The following EYS variants were observed in gnomAD, a reference collection of about 807,000 sequenced individuals.
EYS encodes EGF-like photoreceptor maintenance factor.
EYS carries 250 observed loss-of-function variants against 282.1 expected under a neutral mutation model. That is an observed-to-expected ratio of 0.89 (90% CI 0.80 to 0.98). The LOEUF is 0.98. Ranked by LOEUF, EYS falls within the 50% of genes least tolerant of loss-of-function variation. The pLI is 0.00. For synonymous variants in EYS, 1,355 were observed against 1,282.9 expected (o/e 1.06, Z -1.20); for missense variants, 4,016 against 3,709.0 (o/e 1.08, Z -2.15).
chr6:63,859,111 T>TTTTTTTA lies in EYS; in HGVS notation c.7228+5074_7228+5075insTAAAAAA, dbSNP rs796999871. ...TTTTTTTTTTTTTTTTTTTTTTTTTTAATAGCTGGGATGGAGATGCAGCCT... is the reference window on the plus strand; with the variant it reads ...TTTTTTTTTTTTTTTTTTTTTTTTTTTTTTTTAAATAGCTGGGATGGAGATGCAGCCT... On this transcript the variant is annotated intron_variant, in intron 36 of 42. Coordinates refer to ENST00000503581, the MANE Select transcript of EYS (RefSeq NM_001142800.2). Among the ~76,000 whole-genome samples, 104 of 71,200 alleles carry TTTTTTTA rather than the reference T, an allele frequency of 1.5e-3. 29 individuals carry two copies. The highest frequency in any genetic ancestry group is 5.2e-3 in the African/African-American group (82 of 15,788). The allele number at this position is 71,200 out of a possible 152,430, so 46.7% of individuals were successfully genotyped here.
chr6:64,908,666 T>C (rs1404639762), intron 16 of EYS, among the ~76,000 whole-genome samples: 1 of 152,128 alleles, frequency 6.6e-6, no homozygotes, highest in Non-Finnish European at 1.5e-5. Flanking sequence ...CGTCTTCCTG[T>C]ACAACCTGAA....
At chr6:64,078,491 G>T (rs1248981622) in intron 32 of EYS, among the ~76,000 whole-genome samples, 6 of 152,034 alleles carry the variant, frequency 3.9e-5, no homozygotes, top group Admixed American at 3.9e-4. Context: ...TAAGAGGATA[G>T]AAAGTAGCAA....
chr6:64,520,068 A>G (rs990653370), intron 26 of EYS, among the ~76,000 whole-genome samples: 4 of 151,804 alleles, frequency 2.6e-5, no homozygotes, highest in Non-Finnish European at 5.9e-5. Context: ...AGAAAGGAGG[A>G]GAAACAGGTT....
At chr6:65,518,584 TATC>T (rs1767228626) in intron 2 of EYS, among the ~76,000 whole-genome samples, 1 of 152,186 alleles carries the variant, frequency 6.6e-6, no homozygotes, top group Non-Finnish European at 1.5e-5. Context: ...AAAATTGTGG[TATC>T]ATCTTAAAAT....
intron 27 of EYS, among the ~76,000 whole-genome samples, chr6:64,437,295 A>C (rs1582751129): frequency 6.6e-6 from 1 of 151,670 alleles, no homozygotes; most frequent in African/African-American, 2.4e-5. Context: ...TGGGAAAAAA[A>C]TTAATTCACA....
rs1169613231 is a variant in EYS at position 65,550,164 on chromosome 6, T to C, written c.-332-54171A>G. Among the ~76,000 whole-genome samples the C allele has an allele frequency of 2.2e-3, 57 of 26,048 alleles. 14 individuals carry two copies. Among genetic ancestry groups the C allele is most frequent in the South Asian group, 6.9e-3 (4 of 578 alleles). The allele number at this position is 26,048 out of a possible 152,430, so 17.1% of individuals were successfully genotyped here. A position where few individuals can be genotyped will look rare whatever the true frequency, so the allele number is the denominator to read the frequency against. On this transcript the variant is annotated intron_variant, in intron 2 of 42. Transcript: ENST00000503581. Reference sequence around the variant, plus strand: ...ATATCTTTTTTTTTTTTTTTTTTTTTTTTTTTTTTTTTTTTTTTTTTGGGG... The same window carrying C: ...ATATCTTTTTTTTTTTTTTTTTTTTCTTTTTTTTTTTTTTTTTTTTTGGGG...
At chr6:64,466,566 A>G (rs1181009109) in intron 26 of EYS, among the ~76,000 whole-genome samples, 2 of 152,160 alleles carry the variant, frequency 1.3e-5, no homozygotes, top group Non-Finnish European at 2.9e-5. Flanking sequence ...CATAAGAAAC[A>G]GAGAGTAGAA....
rs376913981 is a variant in EYS at position 63,926,788 on chromosome 6, A to G, written c.7055+57595T>C. ...GTTCTCAGTACTTAAAACATAAGGA[A>G]AGTTACTTATTGCTGTCATTACTAT... On this transcript the variant is annotated intron_variant, in intron 35 of 42. Transcript: ENST00000503581. Among the ~76,000 whole-genome samples the G allele has an allele frequency of 1.9e-4, 29 of 152,314 alleles. No homozygotes were observed. The East Asian group carries it at 4.2e-3, about 22-fold the overall frequency.
chr6:65,656,234 T>A (rs756348876), intron 1 of EYS, among the ~76,000 whole-genome samples: 38 of 151,860 alleles, frequency 2.5e-4, no homozygotes, highest in Non-Finnish European at 8.8e-5. Flanking sequence ...AATTAGAAAC[T>A]CTACAATAGC....
At chr6:64,814,005 C>T (rs1764676728) in intron 21 of EYS, among the ~76,000 whole-genome samples, 1 of 151,948 alleles carries the variant, frequency 6.6e-6, no homozygotes, top group African/African-American at 2.4e-5. Context: ...CATTAAATTT[C>T]AAAGGATTTC....
chr6:64,748,573 C>T (rs539140222), intron 22 of EYS, among the ~76,000 whole-genome samples: 2 of 152,160 alleles, frequency 1.3e-5, no homozygotes, highest in African/African-American at 2.4e-5. Context: ...CAAAATAACT[C>T]ATCTATCATT....
intron 5 of EYS, chr6:65,490,108 C>A (rs1002667324): frequency 3.9e-5 from 6 of 153,346 alleles, no homozygotes; most frequent in Non-Finnish European, 7.3e-5. Context: ...CACATGTAAC[C>A]CAGAACTTAA....
chr6:64,704,126 A>T lies in EYS; in HGVS notation c.3444-77881T>A, dbSNP rs573449727. On this transcript the variant is annotated intron_variant, in intron 22 of 42. Coordinates refer to ENST00000503581, the MANE Select transcript of EYS (RefSeq NM_001142800.2). The stretch of plus-strand genomic sequence containing the variant: ...ATATTTCGCAATAACAAAATTCTGG[A>T]CTCGCATGAAATTCTAAACAAGAAT... 6.2e-4 allele frequency among the ~76,000 whole-genome samples: 94 copies of T among 151,954 alleles called. 1 individual carries two copies. Among genetic ancestry groups the T allele is most frequent in the African/African-American group, 2.1e-3 (89 of 41,528 alleles).
intron 32 of EYS, among the ~76,000 whole-genome samples, chr6:64,073,415 G>C (rs1771658912): frequency 6.6e-6 from 1 of 151,654 alleles, no homozygotes; most frequent in Non-Finnish European, 1.5e-5. Context: ...AATTGACTTT[G>C]TATCATGTAA....
chr6:65,498,356 G>C (rs1180239086), intron 2 of EYS, among the ~76,000 whole-genome samples: 2 of 152,014 alleles, frequency 1.3e-5, no homozygotes, highest in African/African-American at 2.4e-5. Context: ...TATTTTCCCA[G>C]CAGCTTAGTT....
At chr6:65,638,325 T>C (rs28841680) in intron 2 of EYS, among the ~76,000 whole-genome samples, 8,379 of 152,228 alleles carry the variant, frequency 0.055, 434 homozygotes, top group East Asian at 0.3. Context: ...ACCTCATTTT[T>C]TTAAGAGGCA....
chr6:64,357,692 A>G (rs114547207), intron 29 of EYS, among the ~76,000 whole-genome samples: 2,370 of 151,614 alleles, frequency 0.016, 21 homozygotes, highest in South Asian at 0.034. Flanking sequence ...ACAGAGAACA[A>G]GTTTTGGGAT....
intron 24 of EYS, among the ~76,000 whole-genome samples, chr6:64,605,786 A>G (rs1023044644): frequency 5.9e-5 from 9 of 151,948 alleles, no homozygotes; most frequent in Non-Finnish European, 1.0e-4. Context: ...CAGACACTAT[A>G]GGTAAATTCG....
chr6:64,072,267 G>T (rs1265249363), intron 32 of EYS, among the ~76,000 whole-genome samples: 2 of 151,784 alleles, frequency 1.3e-5, no homozygotes, highest in Admixed American at 6.6e-5. Flanking sequence ...ACCCATCTGG[G>T]TTTATCACTT....
Sources: gnomAD v4.1 joint callset for allele counts (sites outside exome capture counted in the v4.1 genomes callset) on GRCh38, gnomAD v4.1.1 for gene constraint, MANE v1.5 for transcripts, NCBI Gene and HGNC (gene_info 2026-07-23, HGNC 2026-07-21) for gene names.